Variants in MYO15B observed in about 807,000 individuals in gnomAD.
MYO15B encodes the protein myosin XVB, also known as myosin XVB pseudogene.
A neutral mutation model predicts 119.3 loss-of-function variants in MYO15B; 207 were observed. The ratio of observed to expected loss-of-function variants is 1.73; its 90% CI spans 1.55 to 1.95. MYO15B has a LOEUF of 1.95. Among genes scored for constraint, MYO15B ranks in the 30% most tolerant of loss-of-function variants. The pLI is 0.00. For missense variants in MYO15B, 2,264 were observed against 1,203.1 expected (o/e 1.88, Z -13.04); for synonymous variants, 966 against 498.9 (o/e 1.94, Z -12.48).
exon 54 of MYO15B, chr17:75,623,850 C>T (rs1339968392): frequency 2.7e-5 from 17 of 628,974 alleles, no homozygotes; most frequent in East Asian, 5.8e-5. Flanking sequence ...GGGACACCCC[C>T]GGCCGTGAGT....
intron 21 of MYO15B, among the ~76,000 whole-genome samples, chr17:75,607,431 AATT>A (rs71721337): frequency 0.82 from 114,597 of 140,294 alleles, 46,678 homozygotes; most frequent in East Asian, 0.93. Flanking sequence ...GTTAATAATT[AATT>A]ATTATTATTA....
chr17:75,611,950 C>T (rs1396149576), exon 25 of MYO15B: 8 of 703,054 alleles, frequency 1.1e-5, no homozygotes, highest in Admixed American at 4.0e-5. Context: ...CTGCCCGGCC[C>T]AGCCTGACTC....
chr17:75,615,706 C>T (rs1343901149), exon 36 of MYO15B: 1 of 685,066 alleles, frequency 1.5e-6, no homozygotes, highest in Admixed American at 2.1e-5. Flanking sequence ...CAGCAGATGA[C>T]AGCCCAGGCC....
exon 1 of MYO15B, chr17:75,588,185 G>C (rs2056184140): frequency 2.5e-6 from 1 of 397,904 alleles, no homozygotes; most frequent in African/African-American, 2.1e-5. Flanking sequence ...TCCGACCGCG[G>C]GCAGGCGGAC....
intron 14 of MYO15B, 30 bp from the exon 15 acceptor site, chr17:75,601,408 C>T (rs372577138): frequency 1.3e-5 from 9 of 702,030 alleles, no homozygotes; most frequent in East Asian, 2.7e-5. Flanking sequence ...TGTGCAGAGG[C>T]GTGAAGGGAG....
chr17:75,612,940 C>T (rs1471551977), intron 26 of MYO15B, 34 bp from the exon 27 acceptor site: 6 of 690,608 alleles, frequency 8.7e-6, no homozygotes, highest in Admixed American at 4.1e-5. Flanking sequence ...CTGGGAGCCC[C>T]GCACGTCCTG....
chr17:75,613,297 G>A (rs914097418), exon 28 of MYO15B: 27 of 669,320 alleles, frequency 4.0e-5, no homozygotes, highest in Non-Finnish European at 6.8e-5. Flanking sequence ...CTGCAGGTTC[G>A]TGTCTGACCA....
intron 27 of MYO15B, 22 bp downstream of exon 27, chr17:75,613,231 G>A (rs1358022909): frequency 4.4e-6 from 3 of 680,794 alleles, no homozygotes; most frequent in South Asian, 3.0e-5. Context: ...GGGAGGTGGG[G>A]ACCTGGCAGG....
At chr17:75,604,707 C>G (rs1001918564) in intron 19 of MYO15B, among the ~76,000 whole-genome samples, 1 of 151,788 alleles carries the variant, frequency 6.6e-6, no homozygotes, top group African/African-American at 2.4e-5. Flanking sequence ...TGAGCTCCAG[C>G]GCAGAGACCC....
rs2058154778 is a variant in MYO15B at position 75,613,437 on chromosome 17, G to C, written c.5112G>C (p.Arg1704=). 1.0e-5 allele frequency: 7 copies of C among 681,202 alleles called. No individual in the cohort carries two copies. In the East Asian group the frequency reaches 1.9e-4, roughly 18 times the overall value. 42.2% of individuals were successfully genotyped at this position (681,202 alleles called of 1,614,324 possible). Reference sequence around the variant, plus strand: ...TGGAGTGGCTGGCCGGATGGCGGCGGGGCCGCATGGCGCTGGATGTGTTCA... The same window carrying C: ...TGGAGTGGCTGGCCGGATGGCGGCGCGGCCGCATGGCGCTGGATGTGTTCA... The change falls in exon 28 of 64, where the codon CGG becomes CGC. Residue 1704 remains arginine, a synonymous_variant. Coordinates refer to ENST00000645453, the Ensembl canonical transcript of MYO15B.
Position 75,619,224 on chromosome 17 carries a change from G to T in MYO15B, c.7063+6G>T. On this transcript the variant is annotated splice_donor_region_variant and intron_variant, in intron 44 of 63. Coordinates refer to ENST00000645453, the Ensembl canonical transcript of MYO15B. The stretch of plus-strand genomic sequence containing the variant: ...GAAAATGAAAGACCTGCTGGGTATG[G>T]GTCCAGGGACCATGGAGTTGGGAGC... The T allele has an allele frequency of 1.4e-6, 1 of 702,820 alleles. No homozygotes were observed. The highest frequency in any genetic ancestry group is 2.6e-6 in the Non-Finnish European group (1 of 384,986). The allele number at this position is 702,820 out of a possible 1,614,324, so 43.5% of individuals were successfully genotyped here. A position where few individuals can be genotyped will look rare whatever the true frequency, so the allele number is the denominator to read the frequency against.
In MYO15B at chr17:75,589,584, T is replaced by C. The variant is rs1396073375; in HGVS notation, c.1527T>C (p.Gly509=). The change falls in exon 1 of 64, where the codon GGT becomes GGC. Residue 509 remains glycine (G), a synonymous_variant. Coordinates refer to ENST00000645453, the Ensembl canonical transcript of MYO15B. This position sits in a 1 kb window ranked among gnomAD's most constrained non-coding sequence, Gnocchi z 4.2. Reference sequence around the variant, plus strand: ...TGGCTGGCTTAGCAGGGCTGGGGGGTATGCCGAGGGCTTCCCCTGGTGGCC... The same window carrying C: ...TGGCTGGCTTAGCAGGGCTGGGGGGCATGCCGAGGGCTTCCCCTGGTGGCC... 2.5e-6 allele frequency: 1 copy of C among 397,770 alleles called. No individual in the cohort carries two copies. The highest frequency in any genetic ancestry group is 4.4e-6 in the Non-Finnish European group (1 of 225,938). 24.6% of individuals were successfully genotyped at this position (397,770 alleles called of 1,614,324 possible).
At chr17:75,591,118 A>G (rs1378644164) in intron 3 of MYO15B, 54 bp from the exon 4 acceptor site, 4 of 701,730 alleles carry the variant, frequency 5.7e-6, no homozygotes, top group Non-Finnish European at 1.0e-5. Context: ...CACCTCTGCT[A>G]CACCTCGGAG....
chr17:75,612,977 C>A, exon 27 of MYO15B: 1 of 689,272 alleles, frequency 1.5e-6, no homozygotes, highest in Non-Finnish European at 2.7e-6. Context: ...TCGGCAGATG[C>A]TGCGGCTCCT....
chr17:75,588,704 C>A (rs902055941), exon 1 of MYO15B: 11 of 399,336 alleles, frequency 2.8e-5, no homozygotes, highest in Non-Finnish European at 4.4e-5. Context: ...TGGCCCCACG[C>A]AGATACCCGG....
At chr17:75,617,390 G>C in intron 41 of MYO15B, 86 bp downstream of exon 41, 1 of 568,832 alleles carries the variant, frequency 1.8e-6, no homozygotes, top group South Asian at 2.2e-5. Context: ...AGGGCTGAAG[G>C]CATTTCTGCG....
In MYO15B at chr17:75,610,159, C is replaced by A. The variant is rs1314143549; in HGVS notation, c.4293-7C>A. On this transcript the variant is annotated splice_polypyrimidine_tract_variant and splice_region_variant and intron_variant, in intron 21 of 63. Coordinates refer to ENST00000645453, the Ensembl canonical transcript of MYO15B. ...TCATTTCGCCCCCGCTCTTTCCCGGCCTCCAGGAAGCGGTACCTCCGGCGG... is the reference window on the plus strand; with the variant it reads ...TCATTTCGCCCCCGCTCTTTCCCGGACTCCAGGAAGCGGTACCTCCGGCGG... 1.4e-6 allele frequency: 1 copy of A among 697,394 alleles called. No homozygotes were observed. The highest frequency in any genetic ancestry group is 2.7e-5 in the East Asian group (1 of 37,054). 43.2% of individuals were successfully genotyped at this position (697,394 alleles called of 1,614,324 possible). A position where few individuals can be genotyped will look rare whatever the true frequency, so the allele number is the denominator to read the frequency against.
intron 9 of MYO15B, chr17:75,593,140 G>A (rs565395519): frequency 1.4e-5 from 3 of 219,690 alleles, no homozygotes; most frequent in South Asian, 1.3e-4. Flanking sequence ...CAGGAGGATC[G>A]TGTGAAGCCA....
intron 14 of MYO15B, among the ~76,000 whole-genome samples, chr17:75,598,082 T>C (rs940418708): frequency 3.3e-5 from 5 of 151,724 alleles, no homozygotes; most frequent in Non-Finnish European, 7.4e-5. Flanking sequence ...GGAAGCTCAA[T>C]ATAACGTGAT....
Sources: allele counts gnomAD v4.1 joint callset (sites outside exome capture counted in the v4.1 genomes callset), GRCh38; gene constraint gnomAD v4.1.1; non-coding constraint Gnocchi (gnomAD v3.1); transcripts MANE v1.5; gene names NCBI Gene and HGNC (gene_info 2026-07-23, HGNC 2026-07-21).